The following OR8S1 variants were observed in gnomAD, a reference collection of about 807,000 sequenced individuals.
The protein encoded by OR8S1 is olfactory receptor family 8 subfamily S member 1.
For synonymous variants in OR8S1, 150 were observed against 151.4 expected (o/e 0.99, Z 0.07); for missense variants, 362 against 372.1 (o/e 0.97, Z 0.22).
chr12:48,526,037 A>G (rs1938215990), exon 1 of OR8S1: 3 of 1,613,972 alleles, frequency 1.9e-6, no homozygotes, highest in Non-Finnish European at 2.5e-6. Flanking sequence ...TGGACAGATC[A>G]TGGGTAAACA....
exon 1 of OR8S1, chr12:48,526,281 C>A (rs1938219239): frequency 6.2e-7 from 1 of 1,614,100 alleles, no homozygotes; most frequent in East Asian, 2.2e-5. Context: ...GTCTTCTTAT[C>A]CTACACCCGT....
exon 1 of OR8S1, chr12:48,526,409 C>A: frequency 6.2e-7 from 1 of 1,614,146 alleles, no homozygotes; most frequent in East Asian, 2.2e-5. Context: ...GCTCCGCCAT[C>A]TCATGCCAAA....
exon 1 of OR8S1, chr12:48,526,009 C>T (rs925840676): frequency 6.2e-7 from 1 of 1,614,162 alleles, no homozygotes; most frequent in Non-Finnish European, 8.5e-7. Flanking sequence ...ATGCTGCCAT[C>T]TGCCGCCCAC....
At chr12:48,526,041 G>A (rs768143070) in exon 1 of OR8S1, 2 of 1,614,078 alleles carry the variant, frequency 1.2e-6, no homozygotes, top group South Asian at 1.1e-5. Context: ...CAGATCATGG[G>A]TAAACAGCTG....
exon 1 of OR8S1, chr12:48,525,996 G>T (rs1435392519): frequency 1.2e-6 from 2 of 1,614,154 alleles, no homozygotes; most frequent in Non-Finnish European, 1.7e-6. Flanking sequence ...GCCTATGACC[G>T]CCATGCTGCC....
exon 1 of OR8S1, chr12:48,525,709 G>A: frequency 6.2e-7 from 1 of 1,614,168 alleles, no homozygotes; most frequent in Non-Finnish European, 8.5e-7. Context: ...TCCGGGCTCT[G>A]CTCTTTGTGC....
exon 1 of OR8S1, chr12:48,525,665 TTCC>T (rs750541280): frequency 6.2e-7 from 1 of 1,613,798 alleles, no homozygotes; most frequent in South Asian, 1.1e-5. Context: ...CATCACCGAG[TTCC>T]TCCTCCTTGG....
chr12:48,525,805 C>T (rs1324642623), exon 1 of OR8S1: 3 of 1,614,144 alleles, frequency 1.9e-6, no homozygotes, highest in Non-Finnish European at 2.5e-6. Context: ...TCCATAAGCC[C>T]ATGTATTTCT....
At chr12:48,525,876 T>C (rs4075258) in exon 1 of OR8S1, 871,246 of 1,613,164 alleles carry the variant, frequency 0.54, 238,140 homozygotes, top group East Asian at 0.73. Context: ...CCCAAGATGC[T>C]GGAGAACCTC....
At chr12:48,526,359 C>T in exon 1 of OR8S1, 1 of 1,614,130 alleles carries the variant, frequency 6.2e-7, no homozygotes, top group Non-Finnish European at 8.5e-7. Flanking sequence ...ACCTGCTCTG[C>T]CCACCTCACT....
exon 1 of OR8S1, chr12:48,525,686 G>A (rs1432218903): frequency 6.2e-7 from 1 of 1,614,020 alleles, no homozygotes; most frequent in Non-Finnish European, 8.5e-7. Flanking sequence ...TGGGCTGTCT[G>A]CCGACCCCAA....
At chr12:48,525,981 G>A in exon 1 of OR8S1, 1 of 1,614,122 alleles carries the variant, frequency 6.2e-7, no homozygotes, top group Non-Finnish European at 8.5e-7. Flanking sequence ...CTTCTCTCAG[G>A]GATGGCCTAT....
chr12:48,526,169 G>A, exon 1 of OR8S1: 1 of 1,614,092 alleles, frequency 6.2e-7, no homozygotes, highest in South Asian at 1.1e-5. Flanking sequence ...CTACAGCTAT[G>A]AGATGCCATC....
At chr12:48,526,229 C>T in exon 1 of OR8S1, 1 of 1,614,184 alleles carries the variant, frequency 6.2e-7, no homozygotes, top group Non-Finnish European at 8.5e-7. Flanking sequence ...CATCGCCTTG[C>T]TCTGCTCCAC....
exon 1 of OR8S1, chr12:48,526,156 C>T (rs143651137): frequency 1.2e-6 from 2 of 1,614,180 alleles, no homozygotes; most frequent in Non-Finnish European, 1.7e-6. Flanking sequence ...AAATCATTCA[C>T]CACTACAGCT....
At chr12:48,525,656 A>G (rs1426534156) in exon 1 of OR8S1, 1 of 1,613,272 alleles carries the variant, frequency 6.2e-7, no homozygotes, top group Non-Finnish European at 8.5e-7. Context: ...TCACAGCACC[A>G]TCACCGAGTT....
Position 48,525,811 on chromosome 12 carries a change from T to G in OR8S1, c.180T>G (p.Tyr60Ter), listed in dbSNP as rs747428356. ...ATTCTTGTCTCCATAAGCCCATGTATTTCTTCCTGAGTCACCTCTCTTTTG... is the reference window on the plus strand; with the variant it reads ...ATTCTTGTCTCCATAAGCCCATGTAGTTCTTCCTGAGTCACCTCTCTTTTG... The change falls in exon 1 of 1, where the codon TAT becomes TAG. Residue 60 changes from tyrosine (Y) to a stop codon, truncating the protein, a stop_gained. Transcript: ENST00000641651. LOFTEE classifies it low-confidence loss of function (END_TRUNC). 7 of 1,614,148 alleles carry G rather than the reference T, an allele frequency of 4.3e-6. No individual in the cohort carries two copies. Among genetic ancestry groups the G allele is most frequent in the Admixed American group, 1.7e-5 (1 of 60,018 alleles).
chr12:48,526,427 TC>T lies in OR8S1; in HGVS notation c.801del (p.Ile268Ter), dbSNP rs1456898849. 2 of 1,613,776 alleles carry T rather than the reference TC, an allele frequency of 1.2e-6. No homozygotes were observed. The highest frequency in any genetic ancestry group is 1.7e-6 in the Non-Finnish European group (2 of 1,179,978). ...CCGCCATCTCATGCCAAACTCAGGT[TC>T]CCCCATAGAGTTGATCTTCTCTGTG... On this transcript the variant is annotated frameshift_variant, in exon 1 of 1. Coordinates refer to ENST00000641651, the Ensembl canonical transcript of OR8S1. LOFTEE classifies it low-confidence loss of function (END_TRUNC).
chr12:48,526,394 G>T, exon 1 of OR8S1: 1 of 1,614,090 alleles, frequency 6.2e-7, no homozygotes, highest in Admixed American at 1.7e-5. Context: ...CTATGGCTCA[G>T]GTTTGCTCCG....
Sources: gnomAD v4.1 joint callset for allele counts on GRCh38, gnomAD v4.1.1 for gene constraint, MANE v1.5 for transcripts, NCBI Gene and HGNC (gene_info 2026-07-23, HGNC 2026-07-21) for gene names.